Variants in FHOD3 observed in about 807,000 individuals in gnomAD.
The protein encoded by FHOD3 is FH1/FH2 domain-containing protein 3.
Under a neutral mutation model 173.0 loss-of-function variants are expected in FHOD3, and 90 were observed. That is an observed-to-expected ratio of 0.52 (90% CI 0.44 to 0.62). The LOEUF (loss-of-function observed/expected upper bound fraction) is 0.62, where lower values mean the gene tolerates loss of function less well. Ranked by LOEUF, FHOD3 falls within the 20% of genes least tolerant of loss-of-function variation. The pLI is 0.00. For missense variants in FHOD3, 1,945 were observed against 2,034.7 expected, an observed-to-expected ratio of 0.96 and a Z score of 0.85; for synonymous variants, 828 against 823.0, an observed-to-expected ratio of 1.01 and a Z score of -0.10.
intron 3 of FHOD3, among the ~76,000 whole-genome samples, chr18:36,393,173 G>C (rs2037043): frequency 0.22 from 33,850 of 152,218 alleles, 4,304 homozygotes; most frequent in East Asian, 0.67. Context: ...CTGCAGGGCA[G>C]AAGGCTGCCT....
At chr18:36,525,667 T>C (rs1028270572) in intron 5 of FHOD3, among the ~76,000 whole-genome samples, 2 of 152,204 alleles carry the variant, frequency 1.3e-5, no homozygotes, top group African/African-American at 4.8e-5. Context: ...AGGGAAGATA[T>C]CATGAGGGCA....
At chr18:36,576,423 T>A in intron 5 of FHOD3, 28 bp from the exon 6 acceptor site, 5 of 1,516,312 alleles carry the variant, frequency 3.3e-6, no homozygotes, top group Non-Finnish European at 3.7e-6. Flanking sequence ...ACATCTATAA[T>A]GTCTCCTTTT....
chr18:36,655,535 A>G (rs2036364713), intron 13 of FHOD3, among the ~76,000 whole-genome samples: 1 of 152,200 alleles, frequency 6.6e-6, no homozygotes, highest in Non-Finnish European at 1.5e-5. Flanking sequence ...CTTTGATTTA[A>G]CTGAGCAAAG....
intron 26 of FHOD3, among the ~76,000 whole-genome samples, chr18:36,759,687 C>G (rs116010909): frequency 6.6e-6 from 1 of 152,124 alleles, no homozygotes; most frequent in Non-Finnish European, 1.5e-5. Context: ...GATGCAGGTG[C>G]GAGAACCAGA....
intron 14 of FHOD3, among the ~76,000 whole-genome samples, chr18:36,664,811 A>AGAGAGAGAGATT (rs1434593563): frequency 3.2e-4 from 48 of 149,028 alleles, no homozygotes; most frequent in African/African-American, 7.7e-4. Flanking sequence ...AGAGAGAGAG[A>AGAGAGAGAGATT]GAGATTGAGA....
intron 6 of FHOD3, among the ~76,000 whole-genome samples, chr18:36,593,454 C>T (rs62083972): frequency 0.025 from 3,824 of 152,218 alleles, 70 homozygotes; most frequent in Non-Finnish European, 0.041. Context: ...AAAGGGGTTG[C>T]ATGAATGTGG....
chr18:36,530,944 G>C (rs887472260), intron 5 of FHOD3, among the ~76,000 whole-genome samples: 2 of 152,122 alleles, frequency 1.3e-5, no homozygotes, highest in African/African-American at 4.8e-5. Flanking sequence ...ACTTTGGGCT[G>C]GGAAAAGACT....
At chr18:36,382,660 A>G (rs1269012475) in intron 3 of FHOD3, among the ~76,000 whole-genome samples, 3 of 152,202 alleles carry the variant, frequency 2.0e-5, no homozygotes, top group Admixed American at 6.5e-5. Flanking sequence ...TTTCTATCTT[A>G]TCTCCTTTAC....
In FHOD3 at chr18:36,297,940, G is replaced by C; in HGVS notation, c.105G>C (p.Glu35Asp). 2 of 1,566,458 alleles carry C rather than the reference G, an allele frequency of 1.3e-6. No individual in the cohort carries two copies. Among genetic ancestry groups the C allele is most frequent in the Non-Finnish European group, 1.7e-6 (2 of 1,157,126 alleles). The change falls in exon 1 of 29, where the codon GAG becomes GAC. Residue 35 changes from glutamate (E) to aspartate (D), a missense_variant. Glu to Asp is a conservative substitution (Grantham distance 45). Transcript: ENST00000590592. ...GGCCGCCGCTGTTCACGTTCCGCGA[G>C]GACCTCGCGCTCGGCACCCAGCTGG... ...PSRPPLFTFR[E>D]DLALGTQLAG...
At chr18:36,595,672 A>AGGCAT (rs1430806495) in intron 7 of FHOD3, among the ~76,000 whole-genome samples, 2 of 152,226 alleles carry the variant, frequency 1.3e-5, no homozygotes, top group African/African-American at 4.8e-5. Flanking sequence ...CAGAGCCAGC[A>AGGCAT]GGCATGCTGC....
At chr18:36,385,123 T>A (rs897974689) in intron 3 of FHOD3, among the ~76,000 whole-genome samples, 1 of 152,232 alleles carries the variant, frequency 6.6e-6, no homozygotes. Flanking sequence ...CACAGAATTG[T>A]ATTAACTATT....
intron 3 of FHOD3, among the ~76,000 whole-genome samples, chr18:36,382,066 G>A (rs1050541670): frequency 4.7e-4 from 72 of 152,332 alleles, no homozygotes; most frequent in African/African-American, 1.7e-3. Context: ...TGGGGCCCAG[G>A]TCTCCGGGAG....
rs537407926 is a variant in FHOD3 at position 36,502,019 on chromosome 18, G to A, written c.405+20G>A. ...TTTCAGGTAAATAGGAAAAAAATAAGTACTTACCTGTTTTTACATTGCTGT... is the reference window on the plus strand; with the variant it reads ...TTTCAGGTAAATAGGAAAAAAATAAATACTTACCTGTTTTTACATTGCTGT... On this transcript the variant is annotated intron_variant, in intron 4 of 28. Coordinates refer to ENST00000590592, the MANE Select transcript of FHOD3 (RefSeq NM_001281740.3). The A allele has an allele frequency of 3.9e-6, 6 of 1,537,134 alleles. No individual in the cohort carries two copies. Among genetic ancestry groups the A allele is most frequent in the South Asian group, 2.4e-5 (2 of 83,892 alleles).
At chr18:36,515,013 T>C (rs2055884994) in intron 5 of FHOD3, among the ~76,000 whole-genome samples, 1 of 152,198 alleles carries the variant, frequency 6.6e-6, no homozygotes, top group Admixed American at 6.5e-5. Flanking sequence ...AAGCCTTTTC[T>C]GGTGAGCCAC....
In FHOD3 at chr18:36,685,995, A is replaced by G. The variant is rs1049235196; in HGVS notation, c.1971-1133A>G. ...TCCTAGAATAGAAACTGAGAATGTA[A>G]TGGATGTGGAGAAGGAATCCTGGGT... On this transcript the variant is annotated intron_variant, in intron 15 of 28. Transcript: ENST00000590592. Among the ~76,000 whole-genome samples, 6 of 152,302 alleles carry G rather than the reference A, an allele frequency of 3.9e-5. No individual in the cohort carries two copies. In the East Asian group the frequency reaches 1.2e-3, roughly 29 times the overall value.
chr18:36,304,160 G>T (rs1164389926), intron 1 of FHOD3, among the ~76,000 whole-genome samples: 1 of 152,212 alleles, frequency 6.6e-6, no homozygotes, highest in Non-Finnish European at 1.5e-5. Context: ...TTGAACATGT[G>T]AGCAGTGATG....
At chr18:36,432,755 T>C (rs1311519358) in intron 3 of FHOD3, among the ~76,000 whole-genome samples, 1 of 152,260 alleles carries the variant, frequency 6.6e-6, no homozygotes, top group Admixed American at 6.5e-5. Flanking sequence ...GCTTAACTCA[T>C]ATATAACAAT....
intron 3 of FHOD3, among the ~76,000 whole-genome samples, chr18:36,485,308 C>G (rs2054138515): frequency 6.6e-6 from 1 of 152,186 alleles, no homozygotes; most frequent in South Asian, 2.1e-4. Context: ...CTTCTCCTGT[C>G]AGTGGCCTGT....
chr18:36,740,645 C>T lies in FHOD3; in HGVS notation c.3577-11C>T, dbSNP rs2041859119. The T allele has an allele frequency of 2.5e-6, 4 of 1,608,960 alleles. No homozygotes were observed. The highest frequency in any genetic ancestry group is 3.4e-6 in the Non-Finnish European group (4 of 1,177,268). ...TAAGAGAAAATATACTATATCATCT[C>T]CTATTTCCAGAAAATTCTAACGATG... On this transcript the variant is annotated splice_polypyrimidine_tract_variant and intron_variant, in intron 20 of 28. Transcript: ENST00000590592.
Sources: allele counts gnomAD v4.1 joint callset (sites outside exome capture counted in the v4.1 genomes callset), GRCh38; gene constraint gnomAD v4.1.1; transcripts MANE v1.5; gene names NCBI Gene and HGNC (gene_info 2026-07-23, HGNC 2026-07-21).